Variants in KATNAL2 observed in about 807,000 individuals in gnomAD.
KATNAL2 encodes katanin catalytic subunit A1 like 2, also known as katanin p60 ATPase-containing subunit A-like 2.
A neutral mutation model predicts 76.3 loss-of-function variants in KATNAL2; 52 were observed. The ratio of observed to expected loss-of-function variants is 0.68; its 90% CI spans 0.55 to 0.86. The LOEUF is 0.86. KATNAL2 is among the 40% of genes least tolerant of loss of function. The pLI, the probability that KATNAL2 is intolerant of heterozygous loss-of-function variation, is 0.00. For synonymous variants in KATNAL2, 243 were observed against 244.2 expected (o/e 1.00, Z 0.05); for missense variants, 660 against 668.9 (o/e 0.99, Z 0.15).
Position 47,096,676 on chromosome 18 carries a change from T to C in KATNAL2, c.1212-2567T>C, listed in dbSNP as rs149102255. 1.5e-3 allele frequency among the ~76,000 whole-genome samples: 225 copies of C among 152,330 alleles called. 2 individuals are homozygous for C. The highest frequency in any genetic ancestry group is 5.2e-3 in the African/African-American group (217 of 41,566). On this transcript the variant is annotated intron_variant, in intron 15 of 17. Transcript: ENST00000683218. Reference sequence around the variant, plus strand: ...TAACATACAGGAATTTCCTAATTTCTATCCTAGAAAATCAAATAAACAGTT... The same window carrying C: ...TAACATACAGGAATTTCCTAATTTCCATCCTAGAAAATCAAATAAACAGTT...
At position 47,077,396 on chromosome 18, in the gene KATNAL2, G is replaced by A. The variant is rs1568003869; in HGVS notation, c.1146G>A (p.Val382=). 6.2e-7 allele frequency: 1 copy of A among 1,614,062 alleles called. No homozygotes were observed. The highest frequency in any genetic ancestry group is 2.2e-5 in the East Asian group (1 of 44,884). The change falls in exon 15 of 18, where the codon GTG becomes GTA. Residue 382 remains valine, a synonymous_variant. Coordinates refer to ENST00000683218, the MANE Select transcript of KATNAL2 (RefSeq NM_001387690.1). Reference sequence around the variant, plus strand: ...TGCGGATGAAGACAGAGTTACTGGTGCAGATGGATGGGCTGGCACGCTCAG... The same window carrying A: ...TGCGGATGAAGACAGAGTTACTGGTACAGATGGATGGGCTGGCACGCTCAG... ...GSLRMKTELL[V]QMDGLARSED...
At chr18:47,068,172 G>A (rs750890728) in intron 11 of KATNAL2, among the ~76,000 whole-genome samples, 1 of 152,234 alleles carries the variant, frequency 6.6e-6, no homozygotes, top group Non-Finnish European at 1.5e-5. Context: ...TCAAATGTTG[G>A]AGAAATAGGC....
chr18:47,087,649 CAA>C (rs1477400778), intron 15 of KATNAL2, among the ~76,000 whole-genome samples: 1 of 151,994 alleles, frequency 6.6e-6, no homozygotes, highest in Non-Finnish European at 1.5e-5. Flanking sequence ...ACCCCCATGA[CAA>C]AAGTTTACCC....
chr18:46,920,144 T>C (rs1415738049), intron 1 of KATNAL2: 3 of 1,214,174 alleles, frequency 2.5e-6, no homozygotes, highest in East Asian at 5.7e-5. Flanking sequence ...TGGGTAGGTT[T>C]GACTGCAAAG....
intron 15 of KATNAL2, chr18:47,084,260 T>C: frequency 1.5e-6 from 1 of 688,834 alleles, no homozygotes; most frequent in South Asian, 1.5e-5. Flanking sequence ...CTCCTGCTGG[T>C]GTAACATTGC....
At chr18:47,033,873 G>A in intron 3 of KATNAL2, 1 of 1,613,896 alleles carries the variant, frequency 6.2e-7, no homozygotes, top group Non-Finnish European at 8.5e-7. Flanking sequence ...CCTCTGAGAG[G>A]TCCCAGAGCT....
At chr18:46,962,299 C>A (rs1215648976) in intron 3 of KATNAL2, among the ~76,000 whole-genome samples, 1 of 127,686 alleles carries the variant, frequency 7.8e-6, no homozygotes, top group African/African-American at 3.4e-5. Context: ...CATGCCCGGC[C>A]TTTTCCCTAA....
chr18:47,074,956 T>A (rs1233231250), intron 13 of KATNAL2, among the ~76,000 whole-genome samples: 2 of 152,182 alleles, frequency 1.3e-5, no homozygotes, highest in African/African-American at 4.8e-5. Flanking sequence ...ATTGGCAGGG[T>A]GTTTCAGGGG....
At chr18:47,058,479 T>A in intron 7 of KATNAL2, 127 bp downstream of exon 7, 1 of 615,722 alleles carries the variant, frequency 1.6e-6, no homozygotes, top group Non-Finnish European at 2.9e-6. Context: ...TCTAATTGAA[T>A]TTTAGGTTTT....
intron 15 of KATNAL2, among the ~76,000 whole-genome samples, chr18:47,093,185 C>T (rs999481044): frequency 5.9e-5 from 9 of 152,080 alleles, no homozygotes; most frequent in African/African-American, 1.7e-4. Flanking sequence ...TTTAGGGACT[C>T]GCTGAGTTAA....
At chr18:46,955,989 C>T (rs573794405) in intron 3 of KATNAL2, among the ~76,000 whole-genome samples, 3 of 152,228 alleles carry the variant, frequency 2.0e-5, no homozygotes, top group African/African-American at 2.4e-5. Context: ...CTACTAGTTG[C>T]TCTTGCAGAG....
intron 3 of KATNAL2, among the ~76,000 whole-genome samples, chr18:47,025,097 TCC>T (rs57138556): frequency 1.1e-5 from 1 of 88,350 alleles, no homozygotes; most frequent in African/African-American, 5.4e-5. Flanking sequence ...CTCTAGCATC[TCC>T]CCCCCCCACC....
At chr18:46,961,362 T>C (rs916319535) in intron 3 of KATNAL2, among the ~76,000 whole-genome samples, 5 of 152,242 alleles carry the variant, frequency 3.3e-5, no homozygotes, top group Non-Finnish European at 7.3e-5. Flanking sequence ...TCACTTATTA[T>C]GGGGAGTTCT....
chr18:47,062,998 G>T lies in KATNAL2; in HGVS notation c.576G>T (p.Leu192=), dbSNP rs765921578. 6.2e-7 allele frequency: 1 copy of T among 1,613,964 alleles called. No homozygotes were observed. Among genetic ancestry groups the T allele is most frequent in the Non-Finnish European group, 8.5e-7 (1 of 1,179,988 alleles). Residue 192 remains leucine (L), a synonymous_variant, in exon 9 of 18, where the codon CTG becomes CTT. Transcript: ENST00000683218. ...RRGQIIDFQG[L]LTDAIKGATS... is the part of the protein sequence containing the mutation. The stretch of plus-strand genomic sequence containing the variant: ...GCCAAATCATTGACTTCCAAGGGCT[G>T]CTCACAGATGCCATCAAGGGAGCAA...
chr18:46,960,905 G>T (rs955677247), intron 3 of KATNAL2, among the ~76,000 whole-genome samples: 2 of 152,238 alleles, frequency 1.3e-5, no homozygotes, highest in Admixed American at 6.5e-5. Flanking sequence ...GCTTTATTTG[G>T]CTGGGAGTGT....
At chr18:46,918,180 T>C (rs2058222041) in intron 1 of KATNAL2, 1 of 151,852 alleles carries the variant, frequency 6.6e-6, no homozygotes, top group South Asian at 2.1e-4. Flanking sequence ...GCAGAGTAAG[T>C]AGATAGAAGG....
chr18:46,927,634 C>T (rs1403520695), intron 1 of KATNAL2, among the ~76,000 whole-genome samples: 1 of 152,074 alleles, frequency 6.6e-6, no homozygotes, highest in African/African-American at 2.4e-5. Context: ...GTTGGCCTGC[C>T]TTGCTAGATT....
At chr18:47,093,532 C>CA (rs2063098225) in intron 15 of KATNAL2, among the ~76,000 whole-genome samples, 1 of 147,886 alleles carries the variant, frequency 6.8e-6, no homozygotes, top group South Asian at 2.2e-4. Context: ...GTTTGTGTGT[C>CA]TTTTTTTTTC....
chr18:47,057,967 G>A (rs899387026), intron 6 of KATNAL2, among the ~76,000 whole-genome samples: 29 of 152,262 alleles, frequency 1.9e-4, no homozygotes, highest in African/African-American at 6.3e-4. Context: ...CAGAAGGGCC[G>A]AAGCTATGTG....
Sources: allele counts gnomAD v4.1 joint callset (sites outside exome capture counted in the v4.1 genomes callset), GRCh38; gene constraint gnomAD v4.1.1; transcripts MANE v1.5; gene names NCBI Gene and HGNC (gene_info 2026-07-23, HGNC 2026-07-21).